The following GALR1 variants were observed in gnomAD, a reference collection of about 807,000 sequenced individuals.
GALR1 encodes galanin receptor type 1.
In GALR1, 11 loss-of-function variants were observed where a neutral mutation model predicts 17.9. The observed-to-expected ratio is 0.62, with a 90% confidence interval of 0.39 to 1.02. GALR1 has a LOEUF of 1.02. GALR1 is among the 50% of genes least tolerant of loss of function. GALR1 has a pLI of 0.01. For synonymous variants in GALR1, 206 were observed against 205.7 expected (o/e 1.00, Z -0.01); for missense variants, 441 against 456.9 (o/e 0.97, Z 0.32).
chr18:77,269,743 C>T lies in GALR1; in HGVS notation c.*841C>T, dbSNP rs1316796304. On this transcript the variant is annotated 3_prime_UTR_variant, in exon 3 of 3. Transcript: ENST00000299727. ...AGTTTTCATTTTGCCTTGAATGGAACCTACTAAAAAGAGAGATGAAAAAAA... is the reference window on the plus strand; with the variant it reads ...AGTTTTCATTTTGCCTTGAATGGAATCTACTAAAAAGAGAGATGAAAAAAA... 1 of 152,002 alleles carries T rather than the reference C, an allele frequency of 6.6e-6. No homozygotes were observed. The highest frequency in any genetic ancestry group is 1.5e-5 in the Non-Finnish European group (1 of 68,028). 9.4% of individuals were successfully genotyped at this position (152,002 alleles called of 1,614,324 possible).
At chr18:77,266,672 AGGGAAG>A in intron 2 of GALR1, among the ~76,000 whole-genome samples, 1 of 152,350 alleles carries the variant, frequency 6.6e-6, no homozygotes, top group African/African-American at 2.4e-5. Context: ...CATAGCAGAA[AGGGAAG>A]CAAACATGTC....
intron 2 of GALR1, among the ~76,000 whole-genome samples, chr18:77,262,120 T>TA (rs1912844630): frequency 6.6e-6 from 1 of 152,064 alleles, no homozygotes; most frequent in African/African-American, 2.4e-5. Flanking sequence ...GAGCCACTGT[T>TA]ATCTGGCTGA....
At chr18:77,256,027 T>G in intron 1 of GALR1, 131 bp from the exon 2 acceptor site, 2 of 620,030 alleles carry the variant, frequency 3.2e-6, no homozygotes, top group South Asian at 2.1e-5. Context: ...ATTACCTAAT[T>G]TGAGTTTTTA....
Position 77,259,056 on chromosome 18 carries a change from GATGGTGGTC to G in GALR1, c.732+2850_732+2858del, listed in dbSNP as rs1476334575. Among the ~76,000 whole-genome samples, 73 of 5,966 alleles carry G rather than the reference GATGGTGGTC, an allele frequency of 0.012. 17 individuals are homozygous for G. In the South Asian group the frequency reaches 0.15, roughly 13 times the overall value. The allele number at this position is 5,966 out of a possible 152,430, so 3.9% of individuals were successfully genotyped here. A position where few individuals can be genotyped will look rare whatever the true frequency, so the allele number is the denominator to read the frequency against. On this transcript the variant is annotated intron_variant, in intron 2 of 2. Coordinates refer to ENST00000299727, the MANE Select transcript of GALR1 (RefSeq NM_001480.4). ...TGGTCATGATGGTCATGGTGGTGAT[GATGGTGGTC>G]ATGGTGGTCATGGTGGCGATTGTGG...
chr18:77,258,893 GTGA>G (rs1912708115), intron 2 of GALR1, among the ~76,000 whole-genome samples: 1 of 149,158 alleles, frequency 6.7e-6, no homozygotes, highest in Non-Finnish European at 1.5e-5. Flanking sequence ...GGTCATAGTG[GTGA>G]TGGTGGTGGG....
Position 77,271,466 on chromosome 18 carries a change from C to T in GALR1, c.*2564C>T, listed in dbSNP as rs910529067. 2 of 152,094 alleles carry T rather than the reference C, an allele frequency of 1.3e-5. No homozygotes were observed. Among genetic ancestry groups the T allele is most frequent in the African/African-American group, 4.8e-5 (2 of 41,410 alleles). 9.4% of individuals were successfully genotyped at this position (152,094 alleles called of 1,614,324 possible). On this transcript the variant is annotated 3_prime_UTR_variant, in exon 3 of 3. Coordinates refer to ENST00000299727, the MANE Select transcript of GALR1 (RefSeq NM_001480.4). ...CTGAATAAAGAGTTTCAGAAGAACT[C>T]GTAAACAGAATGAAATTAACCAGAG...
chr18:77,251,216 T>G lies in GALR1; in HGVS notation c.666+2T>G, dbSNP rs1383872808. 6.3e-7 allele frequency: 1 copy of G among 1,591,502 alleles called. No homozygotes were observed. Among genetic ancestry groups the G allele is most frequent in the Non-Finnish European group, 8.6e-7 (1 of 1,163,024 alleles). ...CTCATCTGCTTCTGCTATGCCAAGG[T>G]GCACGCCGGTCGCGGGGCCGAGACG... is the stretch of plus-strand genomic sequence containing the variant. On this transcript the variant is annotated splice_donor_variant, in intron 1 of 2. Coordinates refer to ENST00000299727, the MANE Select transcript of GALR1 (RefSeq NM_001480.4). LOFTEE classifies it high-confidence loss of function.
rs1555673532 is a variant in GALR1, at chr18:77,271,257, C to CCG, written c.*2356_*2357insGC. 1.9e-5 allele frequency: 2 copies of CCG among 103,834 alleles called. No homozygotes were observed. Among genetic ancestry groups the CCG allele is most frequent in the Non-Finnish European group, 4.2e-5 (2 of 47,716 alleles). The allele number at this position is 103,834 out of a possible 1,614,324, so 6.4% of individuals were successfully genotyped here. ...AGCTTGCGCTTGAAACCCCCCCCCC[C>CCG]CCGCCACTTTGCTAAATGTAAATGC... On this transcript the variant is annotated 3_prime_UTR_variant, in exon 3 of 3. Coordinates refer to ENST00000299727, the MANE Select transcript of GALR1 (RefSeq NM_001480.4).
Position 77,265,331 on chromosome 18 carries a change from G to A in GALR1, c.733-3254G>A, listed in dbSNP as rs1386661707. Reference sequence around the variant, plus strand: ...CTTGGACTCCATGTTTCACGTCCAGGTCACACTGATGCAAGAGGTGGGCTC... The same window carrying A: ...CTTGGACTCCATGTTTCACGTCCAGATCACACTGATGCAAGAGGTGGGCTC... On this transcript the variant is annotated intron_variant, in intron 2 of 2. Transcript: ENST00000299727. 2.6e-5 allele frequency among the ~76,000 whole-genome samples: 4 copies of A among 152,196 alleles called. No individual in the cohort carries two copies. In the East Asian group the frequency reaches 7.7e-4, roughly 29 times the overall value.
intron 2 of GALR1, among the ~76,000 whole-genome samples, chr18:77,262,835 G>C (rs2059062418): frequency 6.6e-6 from 1 of 152,208 alleles, no homozygotes; most frequent in Non-Finnish European, 1.5e-5. Flanking sequence ...TTTCAAAGCT[G>C]CTGGTAAACC....
Position 77,277,626 on chromosome 18 carries a change from A to T in GALR1, c.*8724A>T, listed in dbSNP as rs896651329. 1 of 152,254 alleles carries T rather than the reference A, an allele frequency of 6.6e-6. No individual in the cohort carries two copies. The highest frequency in any genetic ancestry group is 2.4e-5 in the African/African-American group (1 of 41,462). The allele number at this position is 152,254 out of a possible 1,614,324, so 9.4% of individuals were successfully genotyped here. A position where few individuals can be genotyped will look rare whatever the true frequency, so the allele number is the denominator to read the frequency against. ...CGTGATTGTTTAAATGCTGATATGA[A>T]AGCAGTGCTGAATGTGGATCTTCTT... On this transcript the variant is annotated 3_prime_UTR_variant, in exon 3 of 3. Coordinates refer to ENST00000299727, the MANE Select transcript of GALR1 (RefSeq NM_001480.4).
intron 1 of GALR1, among the ~76,000 whole-genome samples, chr18:77,254,268 T>C (rs4890922): frequency 0.19 from 28,731 of 152,164 alleles, 3,523 homozygotes; most frequent in African/African-American, 0.35. Context: ...CCTTTGCTGC[T>C]GAGACCTTCA....
chr18:77,267,257 T>C (rs1024137112), intron 2 of GALR1, among the ~76,000 whole-genome samples: 7 of 152,186 alleles, frequency 4.6e-5, no homozygotes, highest in African/African-American at 1.4e-4. Flanking sequence ...CCCTGTTGGG[T>C]GCAGAGAGGG....
At chr18:77,262,878 T>C (rs1858689749) in intron 2 of GALR1, among the ~76,000 whole-genome samples, 1 of 152,214 alleles carries the variant, frequency 6.6e-6, no homozygotes, top group African/African-American at 2.4e-5. Flanking sequence ...TCCATGGCTC[T>C]AAGAGCAATG....
intron 1 of GALR1, among the ~76,000 whole-genome samples, chr18:77,255,174 C>A (rs2144952389): frequency 6.6e-6 from 1 of 152,308 alleles, no homozygotes; most frequent in East Asian, 1.9e-4. Flanking sequence ...CACTTAGTCG[C>A]CCTGGGGCTA....
At chr18:77,251,580 A>G (rs1450312803) in intron 1 of GALR1, among the ~76,000 whole-genome samples, 3 of 152,118 alleles carry the variant, frequency 2.0e-5, no homozygotes, top group South Asian at 4.1e-4. Context: ...CCTTCCCGGT[A>G]CAGCAAACCC....
chr18:77,263,101 G>A (rs547172934), intron 2 of GALR1, among the ~76,000 whole-genome samples: 6 of 152,320 alleles, frequency 3.9e-5, no homozygotes, highest in South Asian at 4.1e-4. Context: ...TGCAATACCC[G>A]GAGGGTAACC....
chr18:77,252,854 ACACCACCACCACCACCAC>A (rs1217118933), intron 1 of GALR1, among the ~76,000 whole-genome samples: 4 of 52,596 alleles, frequency 7.6e-5, no homozygotes, highest in South Asian at 6.3e-4. Context: ...CTGTCTCAAA[ACACCACCACCACCACCAC>A]CACCACCATC....
At chr18:77,266,683 C>T (rs890094549) in intron 2 of GALR1, among the ~76,000 whole-genome samples, 2 of 152,198 alleles carry the variant, frequency 1.3e-5, no homozygotes, top group African/African-American at 2.4e-5. Flanking sequence ...GGGAAGCAAA[C>T]ATGTCCTTCT....
Sources: allele counts gnomAD v4.1 joint callset (sites outside exome capture counted in the v4.1 genomes callset), GRCh38; gene constraint gnomAD v4.1.1; transcripts MANE v1.5; gene names NCBI Gene and HGNC (gene_info 2026-07-23, HGNC 2026-07-21).